SAMD3: variants seen among roughly 807,000 people sequenced by gnomAD.
The protein encoded by SAMD3 is sterile alpha motif domain-containing protein 3.
A neutral mutation model predicts 58.5 loss-of-function variants in SAMD3; 63 were observed. The ratio of observed to expected loss-of-function variants is 1.08; its 90% CI spans 0.88 to 1.33. The LOEUF is 1.33. Among genes scored for constraint, SAMD3 ranks in the 40% most tolerant of loss-of-function variants. The pLI is 0.00. For synonymous variants in SAMD3, 220 were observed against 210.3 expected (o/e 1.05, Z -0.40); for missense variants, 604 against 608.4 (o/e 0.99, Z 0.08).
chr6:130,147,721 A>C (rs910177141), intron 9 of SAMD3, among the ~76,000 whole-genome samples: 6 of 152,344 alleles, frequency 3.9e-5, no homozygotes, highest in Admixed American at 1.3e-4. Flanking sequence ...CAGTTGTTCC[A>C]GTCATATTCT....
intron 1 of SAMD3, among the ~76,000 whole-genome samples, chr6:130,330,190 G>T (rs1242302343): frequency 6.6e-6 from 1 of 152,174 alleles, no homozygotes; most frequent in African/African-American, 2.4e-5. Flanking sequence ...TGCCTGAAAG[G>T]TCGGCAGGCC....
exon 2 of SAMD3, chr6:130,313,045 G>T (rs1776236794): frequency 6.6e-6 from 1 of 152,178 alleles, no homozygotes; most frequent in South Asian, 2.1e-4. Context: ...TAACAGCAGT[G>T]GTTCAGTAGT....
intron 2 of SAMD3, among the ~76,000 whole-genome samples, chr6:130,267,583 G>T (rs1268754916): frequency 1.3e-5 from 2 of 152,120 alleles, no homozygotes; most frequent in African/African-American, 2.4e-5. Flanking sequence ...AAAACTGAAG[G>T]CAGGTAGCCC....
At chr6:130,350,923 A>G (rs1373833198) in intron 1 of SAMD3, among the ~76,000 whole-genome samples, 1 of 152,204 alleles carries the variant, frequency 6.6e-6, no homozygotes, top group Non-Finnish European at 1.5e-5. Context: ...ATAATGCCGC[A>G]TATCTACAAC....
At chr6:130,220,978 C>T (rs534172921) in intron 1 of SAMD3, among the ~76,000 whole-genome samples, 50 of 152,194 alleles carry the variant, frequency 3.3e-4, no homozygotes, top group African/African-American at 1.1e-3. Context: ...CTCAACCTCC[C>T]GAGTAGCTGG....
At position 130,302,989 on chromosome 6, in the gene SAMD3, A is replaced by G. The variant is rs148518972; in HGVS notation, c.-188+9989T>C. ...TGTTCGCTGTTTGGGTGGCGAGTTA[A>G]CTACAAGCCCAAACCTCAGCATTAT... On this transcript the variant is annotated intron_variant, in intron 2 of 13. Transcript: ENST00000368134. Among the ~76,000 whole-genome samples the G allele has an allele frequency of 3.3e-4, 51 of 152,304 alleles. 2 individuals are homozygous for G. In the East Asian group the frequency reaches 7.0e-3, roughly 21 times the overall value.
intron 1 of SAMD3, among the ~76,000 whole-genome samples, chr6:130,326,367 A>ATTTTTTT (rs537066801): frequency 0.092 from 11,845 of 128,078 alleles, 693 homozygotes; most frequent in East Asian, 0.22. Flanking sequence ...ATGCCTGGTC[A>ATTTTTTT]TTTTTTTTTT....
At chr6:130,243,751 C>G (rs1340434649) in intron 2 of SAMD3, among the ~76,000 whole-genome samples, 1 of 152,060 alleles carries the variant, frequency 6.6e-6, no homozygotes, top group East Asian at 1.9e-4. Flanking sequence ...TGGGCGTTTT[C>G]CCAAAGGTGG....
intron 2 of SAMD3, among the ~76,000 whole-genome samples, chr6:130,296,741 G>A (rs1775583019): frequency 6.6e-6 from 1 of 152,142 alleles, no homozygotes; most frequent in Non-Finnish European, 1.5e-5. Flanking sequence ...CTGGACCAAG[G>A]GAAGAGGGTC....
downstream of SAMD3, among the ~76,000 whole-genome samples, chr6:130,143,435 C>T (rs147254560): frequency 3.0e-3 from 461 of 152,118 alleles, 2 homozygotes; most frequent in African/African-American, 0.01. Flanking sequence ...GTAGAGACAG[C>T]GTTTCACATT....
chr6:130,221,144 A>T (rs55987974), intron 1 of SAMD3, among the ~76,000 whole-genome samples: 1 of 152,276 alleles, frequency 6.6e-6, no homozygotes, highest in African/African-American at 2.4e-5. Context: ...ATGAGCCACC[A>T]CGCCCAGCCA....
intron 2 of SAMD3, among the ~76,000 whole-genome samples, chr6:130,289,847 T>G (rs111938849): frequency 6.6e-6 from 1 of 152,214 alleles, no homozygotes; most frequent in Non-Finnish European, 1.5e-5. Flanking sequence ...AGGTAGGTGA[T>G]GGCAAACTCA....
intron 1 of SAMD3, among the ~76,000 whole-genome samples, chr6:130,341,518 A>G (rs181269563): frequency 5.1e-4 from 78 of 152,322 alleles, no homozygotes; most frequent in African/African-American, 1.4e-3. Context: ...CCAGCTTAAA[A>G]CTTCAATAAT....
chr6:130,315,062 G>C (rs967212411), intron 1 of SAMD3, among the ~76,000 whole-genome samples: 10 of 152,016 alleles, frequency 6.6e-5, no homozygotes, highest in African/African-American at 2.4e-4. Flanking sequence ...TTGTGCTTTT[G>C]CTTTCAAGCT....
chr6:130,144,542 C>T lies in SAMD3; in HGVS notation c.1541G>A (p.Gly514Glu), dbSNP rs773652776. The T allele has an allele frequency of 6.2e-5, 100 of 1,613,842 alleles. 1 individual carries two copies. In the Middle Eastern group the frequency reaches 6.6e-4, roughly 11 times the overall value. ...CTATTAAGTGAGTGGGTGCTGAAATCCTACTTCGTTTTCCTTTTCTTTCAA... is the reference window on the plus strand; with the variant it reads ...CTATTAAGTGAGTGGGTGCTGAAATTCTACTTCGTTTTCCTTTTCTTTCAA... ...PSLKEKENEV[G>E]FQHPLT The change falls in exon 12 of 12, where the codon GGA (glycine) becomes GAA (glutamate). Residue 514 changes from glycine (G) to glutamate (E), a missense_variant. Physicochemically the swap from Gly to Glu is moderately conservative, Grantham distance 98. Transcript: ENST00000439090.
chr6:130,184,453 T>C lies in SAMD3; in HGVS notation c.554A>G (p.Tyr185Cys). Reference protein sequence around the residue: ...IEFLQADMTKYLEGSLYPSTQ... With the variant: ...IEFLQADMTKCLEGSLYPSTQ... Reference sequence around the variant, plus strand: ...TGTCACTCACAGTGAGCCTTCCAGATACTTAGTCATGTCGGCCTGGAGAAA... The same window carrying C: ...TGTCACTCACAGTGAGCCTTCCAGACACTTAGTCATGTCGGCCTGGAGAAA... The change falls in exon 6 of 12, where the codon TAT becomes TGT. Residue 185 changes from tyrosine to cysteine, a missense_variant. Tyr to Cys is a radical substitution (Grantham distance 194, BLOSUM62 -2). Coordinates refer to ENST00000439090, the MANE Select transcript of SAMD3 (RefSeq NM_001017373.4). 4 of 1,614,032 alleles carry C rather than the reference T, an allele frequency of 2.5e-6. No homozygotes were observed. Among genetic ancestry groups the C allele is most frequent in the Non-Finnish European group, 3.4e-6 (4 of 1,179,964 alleles).
chr6:130,307,688 G>T (rs922406772), intron 2 of SAMD3, among the ~76,000 whole-genome samples: 12 of 152,144 alleles, frequency 7.9e-5, no homozygotes, highest in African/African-American at 2.2e-4. Flanking sequence ...TAGGTCAATT[G>T]GTTGCTAATG....
At chr6:130,331,016 C>G (rs1452817748) in intron 1 of SAMD3, among the ~76,000 whole-genome samples, 1 of 152,178 alleles carries the variant, frequency 6.6e-6, no homozygotes, top group African/African-American at 2.4e-5. Context: ...AGAATATAAG[C>G]TGGTGCAACA....
In SAMD3 at chr6:130,144,414, G is replaced by C. The variant is rs188588489; in HGVS notation, c.*106C>G. ...AATTCATTAGCATCTATAAATACAA[G>C]ATGATTTTCTCATACCTACCTCTAC... On this transcript the variant is annotated 3_prime_UTR_variant, in exon 12 of 12. Transcript: ENST00000439090. 3 of 992,484 alleles carry C rather than the reference G, an allele frequency of 3.0e-6. No homozygotes were observed. Among genetic ancestry groups the C allele is most frequent in the Admixed American group, 5.3e-5 (2 of 37,514 alleles). 61.5% of individuals were successfully genotyped at this position (992,484 alleles called of 1,614,324 possible).
Sources: gnomAD v4.1 joint callset for allele counts (sites outside exome capture counted in the v4.1 genomes callset) on GRCh38, gnomAD v4.1.1 for gene constraint, MANE v1.5 for transcripts, NCBI Gene and HGNC (gene_info 2026-07-23, HGNC 2026-07-21) for gene names.